Variants in ZNF611 observed in about 807,000 individuals in gnomAD.
ZNF611 encodes zinc finger protein 611.
Under a neutral mutation model 8.9 loss-of-function variants are expected in ZNF611, and 6 were observed. That is an observed-to-expected ratio of 0.68 (90% confidence interval 0.37 to 1.34). The LOEUF (loss-of-function observed/expected upper bound fraction) is 1.34, where lower values mean the gene tolerates loss of function less well. ZNF611 is among the 40% of genes most tolerant of loss of function. The pLI, the probability that ZNF611 is intolerant of heterozygous loss-of-function variation, is 0.02. For missense variants in ZNF611, 874 were observed against 841.3 expected (o/e 1.04, Z -0.48); for synonymous variants, 262 against 279.7 (o/e 0.94, Z 0.63).
At chr19:52,731,625 C>G (rs2062426243) in intron 1 of ZNF611, among the ~76,000 whole-genome samples, 1 of 152,062 alleles carries the variant, frequency 6.6e-6, no homozygotes, top group Non-Finnish European at 1.5e-5. Context: ...CCTTGGCTTC[C>G]CAAAGTGCTG....
intron 3 of ZNF611, among the ~76,000 whole-genome samples, chr19:52,719,189 T>C (rs922623666): frequency 7.9e-5 from 12 of 151,228 alleles, no homozygotes; most frequent in African/African-American, 2.7e-4. Flanking sequence ...AATAAATGAA[T>C]AAAAACACAC....
intron 1 of ZNF611, among the ~76,000 whole-genome samples, chr19:52,730,727 G>C (rs1173553227): frequency 6.6e-6 from 1 of 151,652 alleles, no homozygotes; most frequent in Non-Finnish European, 1.5e-5. Context: ...TGGGATTACA[G>C]GCATGCACCA....
chr19:52,712,606 C>T (rs916594916), intron 5 of ZNF611, among the ~76,000 whole-genome samples: 4 of 151,066 alleles, frequency 2.6e-5, no homozygotes, highest in Non-Finnish European at 4.4e-5. Flanking sequence ...CCACTGCACT[C>T]CAGCATGGGT....
intron 5 of ZNF611, among the ~76,000 whole-genome samples, chr19:52,713,629 C>T (rs564044281): frequency 5.5e-4 from 84 of 152,136 alleles, no homozygotes; most frequent in African/African-American, 1.7e-3. Context: ...TGGTGGCTCA[C>T]GCCTGTAATC....
intron 5 of ZNF611, among the ~76,000 whole-genome samples, chr19:52,711,051 G>A (rs1334143436): frequency 3.3e-5 from 5 of 150,300 alleles, no homozygotes; most frequent in Admixed American, 3.3e-4. Context: ...AAAAAAAAAG[G>A]CCAGGCACAG....
At chr19:52,717,002 C>T (rs1334621382) in intron 3 of ZNF611, among the ~76,000 whole-genome samples, 1 of 151,670 alleles carries the variant, frequency 6.6e-6, no homozygotes, top group Non-Finnish European at 1.5e-5. Context: ...CACTGCACTC[C>T]AGCCTGGGGG....
chr19:52,715,573 T>C (rs1034410300), intron 4 of ZNF611, among the ~76,000 whole-genome samples: 3 of 152,054 alleles, frequency 2.0e-5, no homozygotes, highest in Non-Finnish European at 4.4e-5. Flanking sequence ...ATCAACGGGC[T>C]CACACCCCAT....
intron 3 of ZNF611, among the ~76,000 whole-genome samples, chr19:52,725,909 C>T (rs73578306): frequency 0.032 from 4,872 of 152,266 alleles, 252 homozygotes; most frequent in African/African-American, 0.11. Flanking sequence ...ACCTGTGCAT[C>T]TCTCCGCCTC....
rs746667686 is a variant in ZNF611, at chr19:52,706,838, CCTT to C, written c.214_216del (p.Lys72del). 7.0e-5 allele frequency: 112 copies of C among 1,609,526 alleles called. No individual in the cohort carries two copies. In the African/African-American group the frequency reaches 1.4e-3, roughly 20 times the overall value. On this transcript the variant is annotated inframe_deletion, in exon 6 of 6. Transcript: ENST00000652185. ...TTGCCTTGCCCTGTTGACAAGACCTCCTTCATCATGCATTTGGAAGAGATATCT... is the reference window on the plus strand; with the variant it reads ...TTGCCTTGCCCTGTTGACAAGACCTCCATCATGCATTTGGAAGAGATATCT...
chr19:52,726,254 T>C (rs1009394783), intron 3 of ZNF611, among the ~76,000 whole-genome samples: 14 of 152,036 alleles, frequency 9.2e-5, no homozygotes, highest in Non-Finnish European at 2.1e-4. Context: ...GCAGCAGGGA[T>C]GCGGGCGTGA....
intron 3 of ZNF611, among the ~76,000 whole-genome samples, chr19:52,717,989 T>TA (rs2062328963): frequency 2.0e-5 from 3 of 152,120 alleles, no homozygotes; most frequent in Non-Finnish European, 4.4e-5. Flanking sequence ...TTAAAATGGT[T>TA]AAAAAATATA....
At chr19:52,714,871 G>A (rs997573991) in intron 4 of ZNF611, among the ~76,000 whole-genome samples, 4 of 150,022 alleles carry the variant, frequency 2.7e-5, no homozygotes, top group South Asian at 2.1e-4. Flanking sequence ...TGTGGTGCAG[G>A]CCTGTACTCC....
chr19:52,704,753 T>C lies in ZNF611; in HGVS notation c.*184A>G. 1 of 1,597,636 alleles carries C rather than the reference T, an allele frequency of 6.3e-7. No individual in the cohort carries two copies. Among genetic ancestry groups the C allele is most frequent in the South Asian group, 1.1e-5 (1 of 90,340 alleles). ...AGTGTTGACTGCTTGCCAAAGGCTT[T>C]GCCACACTCATTACACTTGTAAGGT... On this transcript the variant is annotated 3_prime_UTR_variant, in exon 6 of 6. Coordinates refer to ENST00000652185, the MANE Select transcript of ZNF611 (RefSeq NM_001161499.2).
rs1013802419 is a variant in ZNF611, at chr19:52,704,434, T to A, written c.*503A>T. On this transcript the variant is annotated 3_prime_UTR_variant, in exon 6 of 6. Transcript: ENST00000652185. ...AAAGGCTTTGCCACAATCATCACAC[T>A]TGTGAGGTTTCTCTCCTGTATAAAT... 17 of 714,260 alleles carry A rather than the reference T, an allele frequency of 2.4e-5. No homozygotes were observed. The highest frequency in any genetic ancestry group is 1.6e-4 in the African/African-American group (9 of 57,650). The allele number at this position is 714,260 out of a possible 1,614,324, so 44.2% of individuals were successfully genotyped here. A position where few individuals can be genotyped will look rare whatever the true frequency, so the allele number is the denominator to read the frequency against.
intron 3 of ZNF611, among the ~76,000 whole-genome samples, chr19:52,722,420 T>A (rs887943462): frequency 4.6e-5 from 7 of 152,162 alleles, no homozygotes; most frequent in African/African-American, 1.7e-4. Context: ...AAAAGTATTA[T>A]GTAATAACAG....
chr19:52,728,403 C>G (rs1326640335), intron 3 of ZNF611, among the ~76,000 whole-genome samples: 1 of 152,078 alleles, frequency 6.6e-6, no homozygotes. Context: ...CCAGGCATTA[C>G]AGCGGGTGCC....
In ZNF611 at chr19:52,705,357, G is replaced by C; in HGVS notation, c.1698C>G (p.Tyr566Ter). Residue 566 changes from tyrosine (Y) to a stop codon, truncating the protein, a stop_gained, in exon 6 of 6, where the codon TAC becomes TAG. Coordinates refer to ENST00000652185, the MANE Select transcript of ZNF611 (RefSeq NM_001161499.2). LOFTEE classifies it low-confidence loss of function (END_TRUNC). ...HTRIHSGEKPYKCNECSKTFS... is the reference protein window; with the variant it reads ...HTRIHSGEKP ...AGGTCTTGCTGCACTCATTACACTT[G>C]TAAGGTTTCTCTCCACTATGAATTC... The C allele has an allele frequency of 1.9e-6, 3 of 1,613,922 alleles. No homozygotes were observed. Among genetic ancestry groups the C allele is most frequent in the Non-Finnish European group, 2.5e-6 (3 of 1,179,970 alleles).
At chr19:52,708,109 A>G (rs2062256887) in intron 5 of ZNF611, 3 of 152,174 alleles carry the variant, frequency 2.0e-5, no homozygotes, top group African/African-American at 7.2e-5. Flanking sequence ...TCTTAAGAAA[A>G]AAGCCACAAC....
At chr19:52,733,542 TC>T (rs35172650) in intron 1 of ZNF611, among the ~76,000 whole-genome samples, 53,551 of 150,334 alleles carry the variant, frequency 0.36, 9,536 homozygotes, top group East Asian at 0.42. Flanking sequence ...ACTCAAGCAA[TC>T]CCCTTGCCTC....
Sources: allele counts gnomAD v4.1 joint callset (sites outside exome capture counted in the v4.1 genomes callset), GRCh38; gene constraint gnomAD v4.1.1; transcripts MANE v1.5; gene names NCBI Gene and HGNC (gene_info 2026-07-23, HGNC 2026-07-21).